The following RBMS3 variants were observed in gnomAD, a reference collection of about 807,000 sequenced individuals.
RBMS3 encodes the protein RNA binding motif single stranded interacting protein 3, also known as RNA-binding motif, single-stranded-interacting protein 3.
A neutral mutation model predicts 66.8 loss-of-function variants in RBMS3; 27 were observed. The observed-to-expected ratio is 0.40, with a 90% CI of 0.30 to 0.56. The LOEUF is 0.56. Ranked by LOEUF, RBMS3 falls within the 20% of genes least tolerant of loss-of-function variation. The pLI is 0.40. For missense variants in RBMS3, 513 were observed against 549.5 expected (o/e 0.93, Z 0.66); for synonymous variants, 188 against 183.0 (o/e 1.03, Z -0.22).
chr3:29,416,311 C>T (rs1055215986), intron 1 of RBMS3, among the ~76,000 whole-genome samples: 1 of 151,760 alleles, frequency 6.6e-6, no homozygotes, highest in Non-Finnish European at 1.5e-5. Flanking sequence ...TCCTTTTCCC[C>T]AACCTCTTCT....
At chr3:29,925,250 A>T (rs1314082282) in intron 10 of RBMS3, 2 of 152,188 alleles carry the variant, frequency 1.3e-5, no homozygotes, top group Non-Finnish European at 2.9e-5. Context: ...TATGGTATGT[A>T]TATTGAGCTA....
intron 4 of RBMS3, among the ~76,000 whole-genome samples, chr3:29,687,774 A>G (rs1472464306): frequency 6.6e-6 from 1 of 152,148 alleles, no homozygotes; most frequent in Non-Finnish European, 1.5e-5. Context: ...AGATACCAAT[A>G]TTTTCACAAT....
At chr3:29,699,518 C>CCATA (rs34712687) in intron 4 of RBMS3, among the ~76,000 whole-genome samples, 91,386 of 151,490 alleles carry the variant, frequency 0.6, 27,754 homozygotes, top group African/African-American at 0.68. Context: ...TATAATTTTA[C>CCATA]CAATTTATTA....
chr3:29,666,737 G>A (rs1576473174), intron 4 of RBMS3, among the ~76,000 whole-genome samples: 1 of 152,054 alleles, frequency 6.6e-6, no homozygotes, highest in Non-Finnish European at 1.5e-5. Flanking sequence ...TTTAGGAAAA[G>A]CTATATGAAT....
At chr3:29,795,303 C>T (rs961236734) in intron 6 of RBMS3, among the ~76,000 whole-genome samples, 1 of 152,166 alleles carries the variant, frequency 6.6e-6, no homozygotes. Context: ...AATTCGTGCT[C>T]AACTTTGGAA....
At chr3:29,339,179 A>G (rs1452585120) in intron 1 of RBMS3, among the ~76,000 whole-genome samples, 1 of 152,202 alleles carries the variant, frequency 6.6e-6, no homozygotes, top group African/African-American at 2.4e-5. Flanking sequence ...TCTTCTGGAG[A>G]TAAGTAGGGA....
intron 8 of RBMS3, among the ~76,000 whole-genome samples, chr3:29,895,787 C>A (rs76118156): frequency 0.07 from 10,645 of 151,360 alleles, 376 homozygotes; most frequent in African/African-American, 0.092. Flanking sequence ...GTATGTTTAA[C>A]TTTAAAAGAA....
intron 3 of RBMS3, among the ~76,000 whole-genome samples, chr3:29,567,640 T>G (rs1018091119): frequency 1.3e-5 from 2 of 152,084 alleles, no homozygotes; most frequent in Non-Finnish European, 2.9e-5. Context: ...GCAATAGTGG[T>G]CTATTGCATA....
At chr3:29,868,126 G>A (rs1201958073) in intron 6 of RBMS3, among the ~76,000 whole-genome samples, 5 of 152,142 alleles carry the variant, frequency 3.3e-5, no homozygotes, top group African/African-American at 1.2e-4. Flanking sequence ...CAATGTAATT[G>A]TTGGAAGAGA....
intron 1 of RBMS3, among the ~76,000 whole-genome samples, chr3:29,282,974 G>T (rs949625254): frequency 1.3e-5 from 2 of 151,978 alleles, no homozygotes; most frequent in African/African-American, 4.8e-5. Flanking sequence ...CCCCTCCAAG[G>T]TCGACTCACA....
intron 1 of RBMS3, among the ~76,000 whole-genome samples, chr3:29,400,546 T>C (rs1393195853): frequency 1.3e-5 from 2 of 151,982 alleles, no homozygotes; most frequent in African/African-American, 2.4e-5. Flanking sequence ...CACTGAATTA[T>C]TCATGTATTA....
chr3:29,901,828 C>T (rs1276627669), intron 10 of RBMS3, among the ~76,000 whole-genome samples: 1 of 151,736 alleles, frequency 6.6e-6, no homozygotes, highest in African/African-American at 2.4e-5. Context: ...GGCCACACAC[C>T]ACTTTGCTAT....
intron 2 of RBMS3, among the ~76,000 whole-genome samples, chr3:29,486,661 A>G (rs1374416745): frequency 1.3e-5 from 2 of 152,186 alleles, no homozygotes; most frequent in Admixed American, 1.3e-4. Flanking sequence ...TACTACATTT[A>G]ATGCAGTAGA....
chr3:29,330,871 GCA>G (rs1306383314), intron 1 of RBMS3, among the ~76,000 whole-genome samples: 3 of 152,172 alleles, frequency 2.0e-5, no homozygotes, highest in African/African-American at 4.8e-5. Flanking sequence ...TAAATCTGCA[GCA>G]CCCGGATGGT....
intron 14 of RBMS3, among the ~76,000 whole-genome samples, chr3:29,999,957 A>G (rs565160788): frequency 2.0e-5 from 3 of 151,970 alleles, no homozygotes; most frequent in South Asian, 2.1e-4. Flanking sequence ...TAAAAACCCT[A>G]GAAGAAAATC....
chr3:29,616,209 G>T (rs1178627291), intron 4 of RBMS3: 1 of 152,228 alleles, frequency 6.6e-6, no homozygotes, highest in African/African-American at 2.4e-5. Flanking sequence ...CAAATTGCCC[G>T]GGCGGGGTGG....
chr3:29,632,866 C>T (rs1047070686), intron 4 of RBMS3, among the ~76,000 whole-genome samples: 2 of 151,858 alleles, frequency 1.3e-5, no homozygotes, highest in African/African-American at 4.8e-5. Context: ...TATTTCCCCA[C>T]ACCTGATACA....
chr3:29,782,082 T>C (rs2056651955), intron 6 of RBMS3, among the ~76,000 whole-genome samples: 1 of 152,060 alleles, frequency 6.6e-6, no homozygotes, highest in South Asian at 2.1e-4. Flanking sequence ...AAGGTCATAA[T>C]CTCTTGGGAT....
At chr3:29,969,350 C>A (rs1434977048) in intron 12 of RBMS3, among the ~76,000 whole-genome samples, 2 of 152,186 alleles carry the variant, frequency 1.3e-5, no homozygotes, top group Admixed American at 6.5e-5. Context: ...CAGTTAAACA[C>A]CCAGCACAAA....
Sources: gnomAD v4.1 joint callset for allele counts (sites outside exome capture counted in the v4.1 genomes callset) on GRCh38, gnomAD v4.1.1 for gene constraint, MANE v1.5 for transcripts, NCBI Gene and HGNC (gene_info 2026-07-23, HGNC 2026-07-21) for gene names.